Variants in ENTREP2 observed in about 807,000 individuals in gnomAD.
ENTREP2 encodes protein ENTREP2.
the ENTREP2 span, among the ~76,000 whole-genome samples, chr15:29,183,694 G>A: frequency 2.6e-5 from 4 of 152,108 alleles, no homozygotes; most frequent in Non-Finnish European, 5.9e-5. Context: ...TACCAAATGC[G>A]TCAACTTTGA....
chr15:29,278,283 G>A, the ENTREP2 span, among the ~76,000 whole-genome samples: 3 of 152,242 alleles, frequency 2.0e-5, no homozygotes, highest in Non-Finnish European at 2.9e-5. Context: ...CAATGAAGTT[G>A]CATGCGGAGA....
At chr15:29,540,702 C>G in the ENTREP2 span, among the ~76,000 whole-genome samples, 1 of 152,256 alleles carries the variant, frequency 6.6e-6, no homozygotes, top group South Asian at 2.1e-4. Context: ...TAACTGACAA[C>G]TGTCCCATCA....
At chr15:29,482,164 A>T in the ENTREP2 span, among the ~76,000 whole-genome samples, 1 of 135,260 alleles carries the variant, frequency 7.4e-6, no homozygotes, top group Non-Finnish European at 1.6e-5. Flanking sequence ...CAGGCAGCTA[A>T]TTTTTTTTTT....
chr15:29,206,384 G>A, the ENTREP2 span, among the ~76,000 whole-genome samples: 2 of 152,176 alleles, frequency 1.3e-5, no homozygotes, highest in Non-Finnish European at 2.9e-5. Context: ...ATAGAAATTC[G>A]GGGGTGGGGG....
At chr15:29,490,105 G>A in the ENTREP2 span, among the ~76,000 whole-genome samples, 1 of 152,192 alleles carries the variant, frequency 6.6e-6, no homozygotes, top group East Asian at 1.9e-4. Flanking sequence ...GTGCGGAATT[G>A]GTGGGTTCTC....
At chr15:29,494,184 G>A in the ENTREP2 span, among the ~76,000 whole-genome samples, 1 of 147,012 alleles carries the variant, frequency 6.8e-6, no homozygotes, top group Non-Finnish European at 1.5e-5. Context: ...GACCTAATAC[G>A]AGTTTGGAAA....
At chr15:29,471,501 C>T in the ENTREP2 span, among the ~76,000 whole-genome samples, 1 of 152,274 alleles carries the variant, frequency 6.6e-6, no homozygotes, top group Admixed American at 6.5e-5. Context: ...GCCGGGATAA[C>T]AGAGAGGCAG....
the ENTREP2 span, among the ~76,000 whole-genome samples, chr15:29,561,339 A>G: frequency 6.6e-6 from 1 of 152,164 alleles, no homozygotes; most frequent in Non-Finnish European, 1.5e-5. Flanking sequence ...ATATACATAC[A>G]TACATAGGAG....
the ENTREP2 span, among the ~76,000 whole-genome samples, chr15:29,366,235 G>C: frequency 6.6e-6 from 1 of 151,952 alleles, no homozygotes; most frequent in Admixed American, 6.6e-5. Context: ...CACCAGGCCT[G>C]GCTAATTTTT....
chr15:29,532,757 A>G, the ENTREP2 span, among the ~76,000 whole-genome samples: 1 of 152,240 alleles, frequency 6.6e-6, no homozygotes, highest in South Asian at 2.1e-4. Context: ...CTGCCAATAG[A>G]ATTGATTTCT....
At chr15:29,498,480 T>C in the ENTREP2 span, among the ~76,000 whole-genome samples, 2 of 152,190 alleles carry the variant, frequency 1.3e-5, no homozygotes, top group Admixed American at 6.5e-5. Context: ...GATACTATGA[T>C]CAGAAAGAAA....
chr15:29,180,711 A>G, the ENTREP2 span, among the ~76,000 whole-genome samples: 2 of 152,072 alleles, frequency 1.3e-5, no homozygotes, highest in South Asian at 4.1e-4. Context: ...ATAAAAAAGT[A>G]ACGGAAAAAC....
chr15:29,613,085 C>A, the ENTREP2 span, among the ~76,000 whole-genome samples: 1 of 152,158 alleles, frequency 6.6e-6, no homozygotes, highest in African/African-American at 2.4e-5. Flanking sequence ...ATTGTCCATG[C>A]CCAAGGACTT....
the ENTREP2 span, among the ~76,000 whole-genome samples, chr15:29,389,880 A>C: frequency 1.3e-5 from 2 of 152,226 alleles, no homozygotes; most frequent in South Asian, 4.1e-4. Flanking sequence ...AGACCTCTCC[A>C]GGAGGGGCAG....
chr15:29,184,776 T>C, the ENTREP2 span, among the ~76,000 whole-genome samples: 1 of 152,194 alleles, frequency 6.6e-6, no homozygotes, highest in Non-Finnish European at 1.5e-5. Flanking sequence ...CTTTGTCCAG[T>C]GCCCTGTCCT....
At chr15:29,400,688 C>T in the ENTREP2 span, among the ~76,000 whole-genome samples, 1 of 152,256 alleles carries the variant, frequency 6.6e-6, no homozygotes, top group Non-Finnish European at 1.5e-5. Context: ...TAAGGCACCA[C>T]ACAATTTTAA....
chr15:29,616,897 T>C, the ENTREP2 span, among the ~76,000 whole-genome samples: 1 of 151,862 alleles, frequency 6.6e-6, no homozygotes, highest in Non-Finnish European at 1.5e-5. Context: ...CCATCTCTAC[T>C]AAAAATACAA....
At chr15:29,307,566 T>C in the ENTREP2 span, among the ~76,000 whole-genome samples, 4 of 152,218 alleles carry the variant, frequency 2.6e-5, no homozygotes, top group Non-Finnish European at 5.9e-5. Context: ...TGGACTAAAG[T>C]GTGCCCTCTC....
the ENTREP2 span, among the ~76,000 whole-genome samples, chr15:29,263,812 C>T: frequency 3.3e-5 from 5 of 152,134 alleles, no homozygotes; most frequent in Admixed American, 1.3e-4. Flanking sequence ...CAAAAGAAAC[C>T]GGAGCTCTTT....
Sources: gnomAD v4.1 joint callset for allele counts (sites outside exome capture counted in the v4.1 genomes callset) on GRCh38, gnomAD v4.1.1 for gene constraint, MANE v1.5 for transcripts, NCBI Gene and HGNC (gene_info 2026-07-23, HGNC 2026-07-21) for gene names.